The following ABI3BP variants were observed in gnomAD, a reference collection of about 807,000 sequenced individuals.
ABI3BP encodes the protein ABI family member 3 binding protein.
Under a neutral mutation model 268.6 loss-of-function variants are expected in ABI3BP, and 216 were observed. The ratio of observed to expected loss-of-function variants is 0.80; its 90% CI spans 0.72 to 0.90. The LOEUF (loss-of-function observed/expected upper bound fraction) is 0.90. Among genes scored for constraint, ABI3BP ranks in the 40% least tolerant of loss-of-function variants. The probability of loss-of-function intolerance (pLI) is 0.00; values close to 1 mark genes in which losing one functional copy is unlikely to be tolerated. For missense variants in ABI3BP, 2,090 were observed against 2,182.4 expected (o/e 0.96, Z 0.84); for synonymous variants, 730 against 730.0 (o/e 1.00, Z 0.00).
intron 57 of ABI3BP, among the ~76,000 whole-genome samples, chr3:100,782,352 T>A (rs1221291769): frequency 6.6e-6 from 1 of 152,184 alleles, no homozygotes; most frequent in Non-Finnish European, 1.5e-5. Flanking sequence ...CCTCTTTTTT[T>A]TTTATCCAGG....
intron 2 of ABI3BP, among the ~76,000 whole-genome samples, chr3:100,902,894 CAA>C (rs2051151656): frequency 6.6e-6 from 1 of 152,216 alleles, no homozygotes; most frequent in Admixed American, 6.5e-5. Context: ...TTTTCCAAAC[CAA>C]ATGGGCAAGG....
At chr3:100,913,834 A>G (rs773167005) in intron 2 of ABI3BP, among the ~76,000 whole-genome samples, 2 of 152,210 alleles carry the variant, frequency 1.3e-5, no homozygotes, top group South Asian at 4.1e-4. Context: ...GAAGAAAGCT[A>G]TAAGAGGCTG....
At chr3:100,755,902 AAGAT>A (rs1224786657) in intron 63 of ABI3BP, among the ~76,000 whole-genome samples, 2 of 152,204 alleles carry the variant, frequency 1.3e-5, no homozygotes, top group Non-Finnish European at 1.5e-5. Context: ...GAATGCACAA[AAGAT>A]AGATATTTTA....
At chr3:100,898,643 C>T in intron 4 of ABI3BP, 119 bp downstream of exon 4, 7 of 1,169,296 alleles carry the variant, frequency 6.0e-6, no homozygotes, top group Middle Eastern at 2.9e-4. Context: ...ACTTTGTTCC[C>T]CTCACACCTA....
intron 3 of ABI3BP, among the ~76,000 whole-genome samples, chr3:100,901,933 T>C (rs2050624989): frequency 6.6e-6 from 1 of 152,134 alleles, no homozygotes; most frequent in African/African-American, 2.4e-5. Flanking sequence ...TTAGACGACA[T>C]AGAATTTTAA....
At chr3:100,892,523 G>T (rs529778989) in intron 4 of ABI3BP, among the ~76,000 whole-genome samples, 36 of 152,312 alleles carry the variant, frequency 2.4e-4, no homozygotes, top group South Asian at 1.9e-3. Context: ...TTATTGTGAT[G>T]AAAATATTCC....
At chr3:100,926,596 A>G in intron 1 of ABI3BP, 115 bp from the exon 2 acceptor site, 1 of 952,838 alleles carries the variant, frequency 1.0e-6, no homozygotes, top group Non-Finnish European at 1.6e-6. Flanking sequence ...CATGTTGTCT[A>G]CTTTGCTACT....
In ABI3BP at chr3:100,756,706, CTTT is replaced by C. The variant is rs772644760; in HGVS notation, c.4851-2018_4851-2016del. 4.0e-5 allele frequency among the ~76,000 whole-genome samples: 6 copies of C among 149,536 alleles called. No individual in the cohort carries two copies. In the East Asian group the frequency reaches 1.2e-3, roughly 29 times the overall value. On this transcript the variant is annotated intron_variant, in intron 63 of 67. Coordinates refer to ENST00000471714, the MANE Select transcript of ABI3BP (RefSeq NM_001375547.2). ...CTGATTGCTGGAATTGTCTCCATGTCTTTTTATTTCACAGTTACGTACACTTAA... is the reference window on the plus strand; with the variant it reads ...CTGATTGCTGGAATTGTCTCCATGTCTTATTTCACAGTTACGTACACTTAA...
At chr3:100,890,456 A>T (rs1466193673) in intron 4 of ABI3BP, among the ~76,000 whole-genome samples, 2 of 152,038 alleles carry the variant, frequency 1.3e-5, no homozygotes, top group Non-Finnish European at 2.9e-5. Context: ...GCTTCTCAAT[A>T]ATTGTATTCC....
chr3:100,858,154 G>C (rs1485439070), intron 14 of ABI3BP, among the ~76,000 whole-genome samples: 1 of 152,110 alleles, frequency 6.6e-6, no homozygotes, highest in Non-Finnish European at 1.5e-5. Context: ...AAAATTTATA[G>C]GTAATTTTAT....
intron 6 of ABI3BP, among the ~76,000 whole-genome samples, chr3:100,878,056 C>A (rs1037950855): frequency 2.6e-5 from 4 of 152,088 alleles, no homozygotes; most frequent in African/African-American, 7.2e-5. Flanking sequence ...TGCCTGCATG[C>A]GTTGACTCAA....
chr3:100,988,070 CAGAACCACACCAAGT>C (rs2092271740), intron 1 of ABI3BP, among the ~76,000 whole-genome samples: 1 of 152,150 alleles, frequency 6.6e-6, no homozygotes, highest in Non-Finnish European at 1.5e-5. Flanking sequence ...CAAATAAAAG[CAGAACCACACCAAGT>C]AGGCTTTGCA....
At chr3:100,753,444 CCTAG>C (rs2095445240) in intron 65 of ABI3BP, among the ~76,000 whole-genome samples, 1 of 151,674 alleles carries the variant, frequency 6.6e-6, no homozygotes, top group African/African-American at 2.4e-5. Context: ...CATCATCATG[CCTAG>C]CTAATTTTTT....
At chr3:100,874,243 G>C (rs1425536867) in intron 9 of ABI3BP, among the ~76,000 whole-genome samples, 1 of 152,118 alleles carries the variant, frequency 6.6e-6, no homozygotes, top group African/African-American at 2.4e-5. Context: ...AGGTGCTCCT[G>C]ATGTTTGATC....
rs58342344 is a variant in ABI3BP at position 100,894,938 on chromosome 3, C to CAAAAAAAAAAAAAA, written c.461+3810_461+3823dup. Among the ~76,000 whole-genome samples the CAAAAAAAAAAAAAA allele has an allele frequency of 2.2e-3, 82 of 37,718 alleles. 6 individuals are homozygous for CAAAAAAAAAAAAAA. Among genetic ancestry groups the CAAAAAAAAAAAAAA allele is most frequent in the African/African-American group, 5.4e-3 (47 of 8,686 alleles). The allele number at this position is 37,718 out of a possible 152,430, so 24.7% of individuals were successfully genotyped here. A position where few individuals can be genotyped will look rare whatever the true frequency, so the allele number is the denominator to read the frequency against. On this transcript the variant is annotated intron_variant, in intron 4 of 67. Coordinates refer to ENST00000471714, the MANE Select transcript of ABI3BP (RefSeq NM_001375547.2). ...TGGGCGACAGAGCGGGATTCCGCTTCAAAAAAAAAAAAAAAAAAAAAAAAA... is the reference window on the plus strand; with the variant it reads ...TGGGCGACAGAGCGGGATTCCGCTTCAAAAAAAAAAAAAAAAAAAAAAAAAAAAAAAAAAAAAAA...
intron 1 of ABI3BP, among the ~76,000 whole-genome samples, chr3:100,986,133 A>T (rs2091683809): frequency 6.6e-6 from 1 of 152,214 alleles, no homozygotes; most frequent in Admixed American, 6.5e-5. Flanking sequence ...TTGATGAAGC[A>T]AGTGGCCATA....
Position 100,870,813 on chromosome 3 carries a change from T to G in ABI3BP, c.911-3857A>C, listed in dbSNP as rs74769948. Among the ~76,000 whole-genome samples the G allele has an allele frequency of 4.3e-3, 656 of 152,268 alleles. 7 individuals carry two copies. The highest frequency in any genetic ancestry group is 0.015 in the African/African-American group (620 of 41,566). On this transcript the variant is annotated intron_variant, in intron 9 of 67. Transcript: ENST00000471714. ...AACGACTTAAATGTTCATTGATGAA[T>G]GTATAAAGAAATTATGGTACACACA...
At position 100,947,819 on chromosome 3, in the gene ABI3BP, T is replaced by C. The variant is rs139857534; in HGVS notation, c.80-21338A>G. 6.6e-3 allele frequency among the ~76,000 whole-genome samples: 1,009 copies of C among 152,156 alleles called. 8 individuals carry two copies. The highest frequency in any genetic ancestry group is 0.021 in the African/African-American group (876 of 41,526). On this transcript the variant is annotated intron_variant, in intron 1 of 67. Coordinates refer to ENST00000471714, the MANE Select transcript of ABI3BP (RefSeq NM_001375547.2). Reference sequence around the variant, plus strand: ...AAAGAGTGGCGGATAAGGCACTTTATTGGTAGCAGGAAATAGACCCAAGGG... The same window carrying C: ...AAAGAGTGGCGGATAAGGCACTTTACTGGTAGCAGGAAATAGACCCAAGGG...
At chr3:100,825,101 T>C (rs1465929189) in intron 35 of ABI3BP, among the ~76,000 whole-genome samples, 160 bp from the exon 36 acceptor site, 1 of 152,202 alleles carries the variant, frequency 6.6e-6, no homozygotes, top group Non-Finnish European at 1.5e-5. Context: ...CATTTTATCA[T>C]TGATGGTACT....
Sources: gnomAD v4.1 joint callset for allele counts (sites outside exome capture counted in the v4.1 genomes callset) on GRCh38, gnomAD v4.1.1 for gene constraint, MANE v1.5 for transcripts, NCBI Gene and HGNC (gene_info 2026-07-23, HGNC 2026-07-21) for gene names.